The following NFS1 variants were observed in gnomAD, a reference collection of about 807,000 sequenced individuals.
NFS1 encodes the protein cysteine desulfurase.
NFS1 carries 26 observed loss-of-function variants against 57.3 expected under a neutral mutation model. That is an observed-to-expected ratio of 0.45 (90% confidence interval 0.33 to 0.63). The LOEUF (loss-of-function observed/expected upper bound fraction) is 0.63, where lower values mean the gene tolerates loss of function less well. Among genes scored for constraint, NFS1 ranks in the 20% least tolerant of loss-of-function variants. NFS1 has a pLI of 0.02. For missense variants in NFS1, 505 were observed against 605.8 expected (o/e 0.83, Z 1.75); for synonymous variants, 209 against 216.3 (o/e 0.97, Z 0.30).
At chr20:35,686,164 C>T (rs936351780) in intron 5 of NFS1, among the ~76,000 whole-genome samples, 7 of 151,592 alleles carry the variant, frequency 4.6e-5, no homozygotes, top group African/African-American at 1.7e-4. Flanking sequence ...CTTCTGACCT[C>T]AGATGAACTG....
At chr20:35,698,827 A>T in intron 1 of NFS1, 1 of 1,371,786 alleles carries the variant, frequency 7.3e-7, no homozygotes, top group Non-Finnish European at 9.4e-7. Context: ...ATGGTATCGT[A>T]GGAAGGAAGG....
At chr20:35,673,981 C>A in intron 10 of NFS1, 1 of 444,290 alleles carries the variant, frequency 2.3e-6, no homozygotes, top group Non-Finnish European at 4.2e-6. Context: ...GGACCATGTG[C>A]TCACTTCCCC....
chr20:35,683,594 C>T (rs1282822317), intron 5 of NFS1, among the ~76,000 whole-genome samples: 3 of 151,730 alleles, frequency 2.0e-5, no homozygotes, highest in African/African-American at 7.3e-5. Flanking sequence ...TCCTGGCTAA[C>T]ATGGTGAAAC....
chr20:35,691,738 CAAAAAAAAAAAA>C (rs60402350), intron 4 of NFS1, among the ~76,000 whole-genome samples: 5 of 18,150 alleles, frequency 2.8e-4, no homozygotes, highest in South Asian at 3.1e-3. Flanking sequence ...GACTGCATCT[CAAAAAAAAAAAA>C]AAAAAAAAAA....
At chr20:35,689,992 G>A (rs1216140341) in intron 5 of NFS1, among the ~76,000 whole-genome samples, 5 of 150,406 alleles carry the variant, frequency 3.3e-5, no homozygotes, top group African/African-American at 9.8e-5. Context: ...CCAGCTACTC[G>A]GGAGGGTGAG....
At position 35,699,289 on chromosome 20, in the gene NFS1, G is replaced by A. The variant is rs1257990411; in HGVS notation, c.-1C>T. The A allele has an allele frequency of 6.4e-5, 90 of 1,405,456 alleles. No homozygotes were observed. The highest frequency in any genetic ancestry group is 8.1e-5 in the Non-Finnish European group (88 of 1,087,966). 87.1% of individuals were successfully genotyped at this position (1,405,456 alleles called of 1,614,324 possible). On this transcript the variant is annotated 5_prime_UTR_variant, in exon 1 of 13. Coordinates refer to ENST00000374092, the MANE Select transcript of NFS1 (RefSeq NM_021100.5). This position sits in a 1 kb window ranked among gnomAD's most constrained non-coding sequence, Gnocchi z 4.4. ...GCCTCCAAGCGGCTCGGAGCAGCATGGTCCCGCTGGCAGAGCCCACCTTCC... is the reference window on the plus strand; with the variant it reads ...GCCTCCAAGCGGCTCGGAGCAGCATAGTCCCGCTGGCAGAGCCCACCTTCC...
Position 35,669,570 on chromosome 20 carries a change from G to A in NFS1, c.*52C>T. ...GTAACAAGGTGTCTGGTTGTGCACG[G>A]GTTGGTGAGGCAGGAGGGGCCAGAC... On this transcript the variant is annotated 3_prime_UTR_variant, in exon 13 of 13. Coordinates refer to ENST00000374092, the MANE Select transcript of NFS1 (RefSeq NM_021100.5). 6.5e-7 allele frequency: 1 copy of A among 1,542,982 alleles called. No individual in the cohort carries two copies. The highest frequency in any genetic ancestry group is 9.0e-7 in the Non-Finnish European group (1 of 1,115,278).
chr20:35,674,765 T>C (rs2034713333), intron 8 of NFS1, 148 bp from the exon 9 acceptor site: 1 of 701,370 alleles, frequency 1.4e-6, no homozygotes, highest in Non-Finnish European at 2.4e-6. Context: ...GTATCTCCAG[T>C]ACTGAGCATA....
At chr20:35,687,322 G>A (rs1242996881) in intron 5 of NFS1, among the ~76,000 whole-genome samples, 1 of 152,178 alleles carries the variant, frequency 6.6e-6, no homozygotes, top group Non-Finnish European at 1.5e-5. Flanking sequence ...CTGTACACCT[G>A]GCTCTGCCTT....
chr20:35,698,613 A>G (rs1320355055), intron 1 of NFS1, 23 bp from the exon 2 acceptor site: 6 of 1,574,770 alleles, frequency 3.8e-6, no homozygotes, highest in Non-Finnish European at 4.3e-6. Flanking sequence ...GGAACGGAGT[A>G]GCCAAGTAAG....
rs1389177721 is a variant in NFS1 at position 35,669,365 on chromosome 20, A to G, written c.*257T>C. 1 of 390,514 alleles carries G rather than the reference A, an allele frequency of 2.6e-6. No individual in the cohort carries two copies. Among genetic ancestry groups the G allele is most frequent in the African/African-American group, 2.0e-5 (1 of 49,302 alleles). 24.2% of individuals were successfully genotyped at this position (390,514 alleles called of 1,614,324 possible). On this transcript the variant is annotated 3_prime_UTR_variant, in exon 13 of 13. Coordinates refer to ENST00000374092, the MANE Select transcript of NFS1 (RefSeq NM_021100.5). Reference sequence around the variant, plus strand: ...TGTGCCCAGCAGCAATATGACAGCAAATGTCTCTATGGCTTCGGGATGAAA... The same window carrying G: ...TGTGCCCAGCAGCAATATGACAGCAGATGTCTCTATGGCTTCGGGATGAAA...
intron 4 of NFS1, among the ~76,000 whole-genome samples, chr20:35,693,821 G>A (rs900384346): frequency 6.6e-6 from 1 of 152,220 alleles, no homozygotes; most frequent in Non-Finnish European, 1.5e-5. Flanking sequence ...AATTAGCCAG[G>A]CGTGGTGGTG....
intron 6 of NFS1, 23 bp from the exon 7 acceptor site, chr20:35,680,894 C>T: frequency 6.8e-7 from 1 of 1,467,218 alleles, no homozygotes; most frequent in Non-Finnish European, 9.1e-7. Context: ...AGGGGAAGAC[C>T]CACAGCACAA....
At chr20:35,696,661 TAAC>T (rs1178145159) in intron 3 of NFS1, among the ~76,000 whole-genome samples, 1 of 149,914 alleles carries the variant, frequency 6.7e-6, no homozygotes, top group Non-Finnish European at 1.5e-5. Context: ...TGCAAAATAA[TAAC>T]TTTTTTTTTT....
Position 35,673,664 on chromosome 20 carries a change from A to AGGGGGAGG in NFS1, c.1156_1157insCCTCCCCC (p.Leu386ProfsTer19). The AGGGGGAGG allele has an allele frequency of 6.2e-7, 1 of 1,613,864 alleles. No individual in the cohort carries two copies. The highest frequency in any genetic ancestry group is 8.5e-7 in the Non-Finnish European group (1 of 1,179,852). ...TGCTCTAAGCACATAAGAGGGCTCCAGGGATGCAGAGGTGCAGGCACTGAG... is the reference window on the plus strand; with the variant it reads ...TGCTCTAAGCACATAAGAGGGCTCCAGGGGGAGGGGGATGCAGAGGTGCAGGCACTGAG... On this transcript the variant is annotated frameshift_variant, in exon 11 of 13. Transcript: ENST00000374092. LOFTEE classifies it high-confidence loss of function.
rs143657417 is a variant in NFS1 at position 35,690,922 on chromosome 20, T to A, written c.409-357A>T. 1.2e-3 allele frequency among the ~76,000 whole-genome samples: 184 copies of A among 152,278 alleles called. 2 individuals carry two copies. The East Asian group carries it at 0.025, about 21-fold the overall frequency. ...ATCACATTTGTCCAAACCCATAGAA[T>A]GTACAACACCAGTGAATCCTAATAT... On this transcript the variant is annotated intron_variant, in intron 4 of 12. Transcript: ENST00000374092.
At chr20:35,692,205 TA>T in intron 4 of NFS1, 1 of 252,186 alleles carries the variant, frequency 4.0e-6, no homozygotes, top group South Asian at 3.9e-5. Context: ...AATAAATAAA[TA>T]AAAATAAAAA....
chr20:35,689,309 G>T (rs1467798320), intron 5 of NFS1, among the ~76,000 whole-genome samples: 1 of 152,066 alleles, frequency 6.6e-6, no homozygotes, highest in Non-Finnish European at 1.5e-5. Context: ...CCAACATGGT[G>T]AAACTCTGTC....
Position 35,699,333 on chromosome 20 carries a change from G to C in NFS1, c.-45C>G. The C allele has an allele frequency of 1.4e-6, 2 of 1,394,524 alleles. No homozygotes were observed. The highest frequency in any genetic ancestry group is 1.5e-5 in the South Asian group (1 of 65,460). The allele number at this position is 1,394,524 out of a possible 1,614,324, so 86.4% of individuals were successfully genotyped here. On this transcript the variant is annotated 5_prime_UTR_variant, in exon 1 of 13. Transcript: ENST00000374092. This position sits in a 1 kb window ranked among gnomAD's most constrained non-coding sequence, Gnocchi z 4.4. Reference sequence around the variant, plus strand: ...ACCTTCCGAAGCCGCTGCAGTCCTGGGCCCCAGGCTCCCGGAAGTGCTGCC... The same window carrying C: ...ACCTTCCGAAGCCGCTGCAGTCCTGCGCCCCAGGCTCCCGGAAGTGCTGCC...
Sources: gnomAD v4.1 joint callset for allele counts (sites outside exome capture counted in the v4.1 genomes callset) on GRCh38, gnomAD v4.1.1 for gene constraint, Gnocchi (gnomAD v3.1) non-coding constraint, MANE v1.5 for transcripts, NCBI Gene and HGNC (gene_info 2026-07-23, HGNC 2026-07-21) for gene names.